RLF: variants seen among roughly 807,000 people sequenced by gnomAD.
RLF encodes zinc finger protein Rlf.
A neutral mutation model predicts 162.9 loss-of-function variants in RLF; 7 were observed. The observed-to-expected ratio is 0.04, with a 90% confidence interval of 0.02 to 0.08. RLF has a LOEUF of 0.08. RLF is among the 10% of genes least tolerant of loss of function. The pLI, the probability that RLF is intolerant of heterozygous loss-of-function variation, is 1.00. For synonymous variants in RLF, 782 were observed against 791.5 expected (o/e 0.99, Z 0.20); for missense variants, 1,664 against 2,244.7 (o/e 0.74, Z 5.23).
In RLF at chr1:40,239,931, C is replaced by T; in HGVS notation, c.5229C>T (p.Thr1743=). 6.2e-7 allele frequency: 1 copy of T among 1,613,574 alleles called. No homozygotes were observed. Among genetic ancestry groups the T allele is most frequent in the Non-Finnish European group, 8.5e-7 (1 of 1,180,006 alleles). Residue 1743 remains threonine (T), a synonymous_variant, in exon 8 of 8, where the codon ACC becomes ACT. Transcript: ENST00000372771. ...AAGAAAACACTGTAAAAAATCCAAC[C>T]CATGTCCCAAAAGAGAATTTTAGGA... ...SGQENTVKNP[T]HVPKENFRKH... is the part of the protein sequence containing the mutation.
At chr1:40,207,403 T>C (rs1376183173) in intron 5 of RLF, among the ~76,000 whole-genome samples, 3 of 152,222 alleles carry the variant, frequency 2.0e-5, no homozygotes, top group Non-Finnish European at 2.9e-5. Flanking sequence ...CTCAGCTTTA[T>C]TTTATTTTGA....
Position 40,237,753 on chromosome 1 carries a change from T to C in RLF, c.3051T>C (p.Asp1017=). Residue 1017 remains aspartate, a synonymous_variant, in exon 8 of 8, where the codon GAT becomes GAC. Transcript: ENST00000372771. This position sits in a 1 kb window ranked among gnomAD's most constrained non-coding sequence, Gnocchi z 4.4. ...KLDAEPKPCS[D]TNSDSPDEGL... ...ATGCAGAACCTAAACCCTGCTCAGA[T>C]ACAAACAGTGACTCCCCAGATGAAG... 1 of 1,614,074 alleles carries C rather than the reference T, an allele frequency of 6.2e-7. No individual in the cohort carries two copies. Among genetic ancestry groups the C allele is most frequent in the Non-Finnish European group, 8.5e-7 (1 of 1,179,998 alleles).
At chr1:40,212,330 G>T (rs1008436328) in intron 5 of RLF, among the ~76,000 whole-genome samples, 3 of 152,186 alleles carry the variant, frequency 2.0e-5, no homozygotes, top group Non-Finnish European at 2.9e-5. Flanking sequence ...TATCTGGTAG[G>T]TCTGGAAGGC....
In RLF at chr1:40,239,578, A is replaced by C. The variant is rs1224315907; in HGVS notation, c.4876A>C (p.Ser1626Arg). 17 of 1,614,064 alleles carry C rather than the reference A, an allele frequency of 1.1e-5. No individual in the cohort carries two copies. The highest frequency in any genetic ancestry group is 1.4e-5 in the Non-Finnish European group (17 of 1,180,048). ...CTGTGAATCAGAGCGCACAGAACAC[A>C]GCCATTCCCCGGGTGACAGTAGTGC... ...RSCESERTEH[S>R]HSPGDSSAPI... The change falls in exon 8 of 8, where the codon AGC (serine) becomes CGC (arginine). Residue 1626 changes from serine to arginine, a missense_variant. Physicochemically the swap from Ser to Arg is moderately radical, Grantham distance 110. Coordinates refer to ENST00000372771, the MANE Select transcript of RLF (RefSeq NM_012421.4).
At chr1:40,179,528 C>T (rs1483821554) in intron 1 of RLF, among the ~76,000 whole-genome samples, 4 of 149,640 alleles carry the variant, frequency 2.7e-5, no homozygotes, top group Non-Finnish European at 5.9e-5. Context: ...TCCAAAGTCT[C>T]TAGACTTAAA....
At position 40,237,011 on chromosome 1, in the gene RLF, G is replaced by A. The variant is rs1570567737; in HGVS notation, c.2309G>A (p.Arg770His). 2.5e-6 allele frequency: 4 copies of A among 1,614,106 alleles called. No homozygotes were observed. Among genetic ancestry groups the A allele is most frequent in the African/African-American group, 1.3e-5 (1 of 75,034 alleles). ...CATAAACAAAAGCATGACGATCTGC[G>A]TTACAAATGTGAATTAAATGGCTGT... ...LNHKQKHDDL[R>H]YKCELNGCNI... The change falls in exon 8 of 8, where the codon CGT becomes CAT. Residue 770 changes from arginine (R) to histidine (H), a missense_variant. This residue lies in a region of RLF where 69 missense variants were observed against 206.4 expected (regional missense o/e 0.33). Transcript: ENST00000372771. This position sits in a 1 kb window ranked among gnomAD's most constrained non-coding sequence, Gnocchi z 4.4.
rs1379192427 is a variant in RLF, at chr1:40,238,427, C to G, written c.3725C>G (p.Pro1242Arg). ...GGDPSSNSEK[P>R]HCHPKKDECS... Reference sequence around the variant, plus strand: ...GATCCCAGTAGTAACTCTGAGAAACCACACTGTCATCCTAAAAAGGATGAA... The same window carrying G: ...GATCCCAGTAGTAACTCTGAGAAACGACACTGTCATCCTAAAAAGGATGAA... The change falls in exon 8 of 8, where the codon CCA becomes CGA. Residue 1242 changes from proline (P) to arginine (R), a missense_variant. By Grantham distance (103) the Pro-to-Arg change is moderately radical. This residue lies in a region of RLF where 102 missense variants were observed against 109.5 expected (regional missense o/e 0.93). Transcript: ENST00000372771. This position sits in a 1 kb window ranked among gnomAD's most constrained non-coding sequence, Gnocchi z 5.2. 5 of 1,614,060 alleles carry G rather than the reference C, an allele frequency of 3.1e-6. No homozygotes were observed. The highest frequency in any genetic ancestry group is 2.2e-5 in the South Asian group (2 of 91,086).
At position 40,177,137 on chromosome 1, in the gene RLF, C is replaced by T. The variant is rs368583423; in HGVS notation, c.238-11918C>T. On this transcript the variant is annotated intron_variant, in intron 1 of 7. Coordinates refer to ENST00000372771, the MANE Select transcript of RLF (RefSeq NM_012421.4). The stretch of plus-strand genomic sequence containing the variant: ...TGAGTAGCTGGGAACAGGCGCCCAC[C>T]ACCACACCCGGCTAATTTCTGTATT... 8.5e-5 allele frequency among the ~76,000 whole-genome samples: 13 copies of T among 152,060 alleles called. 1 individual carries two copies. Among genetic ancestry groups the T allele is most frequent in the East Asian group, 3.9e-4 (2 of 5,176 alleles).
intron 6 of RLF, among the ~76,000 whole-genome samples, chr1:40,230,893 T>C (rs961080094): frequency 2.0e-5 from 3 of 152,226 alleles, no homozygotes; most frequent in Non-Finnish European, 4.4e-5. Context: ...CCATTAAATG[T>C]TTTTGTTTAA....
chr1:40,204,596 T>C (rs1642764270), intron 5 of RLF, among the ~76,000 whole-genome samples: 1 of 151,858 alleles, frequency 6.6e-6, no homozygotes, highest in South Asian at 2.1e-4. Flanking sequence ...TTATTTTTTA[T>C]TTTTTTGGAG....
At chr1:40,166,093 G>A (rs527841537) in intron 1 of RLF, among the ~76,000 whole-genome samples, 1 of 152,266 alleles carries the variant, frequency 6.6e-6, no homozygotes, top group East Asian at 1.9e-4. Flanking sequence ...TAAACGTGGT[G>A]CCTACATAAT....
chr1:40,239,510 C>T lies in RLF; in HGVS notation c.4808C>T (p.Pro1603Leu). ...KYGTKIKEEP[P>L]SEADPCIKKE... Reference sequence around the variant, plus strand: ...GGTACCAAAATTAAGGAGGAACCCCCTTCTGAAGCAGATCCCTGTATAAAG... The same window carrying T: ...GGTACCAAAATTAAGGAGGAACCCCTTTCTGAAGCAGATCCCTGTATAAAG... The change falls in exon 8 of 8, where the codon CCT (proline) becomes CTT (leucine). Residue 1603 changes from proline to leucine, a missense_variant. Pro to Leu is a moderately conservative substitution (Grantham distance 98). Around this residue, in one of 15 missense-constraint regions of RLF, gnomAD observed 327 missense variants for 342.7 expected, o/e 0.95. Coordinates refer to ENST00000372771, the MANE Select transcript of RLF (RefSeq NM_012421.4). 1 of 1,614,016 alleles carries T rather than the reference C, an allele frequency of 6.2e-7. No homozygotes were observed. The highest frequency in any genetic ancestry group is 8.5e-7 in the Non-Finnish European group (1 of 1,180,012).
In RLF at chr1:40,196,967, T is replaced by G. The variant is rs866972185; in HGVS notation, c.607+1203T>G. 2.6e-5 allele frequency among the ~76,000 whole-genome samples: 4 copies of G among 152,264 alleles called. No homozygotes were observed. The South Asian group carries it at 8.3e-4, about 31-fold the overall frequency. On this transcript the variant is annotated intron_variant, in intron 4 of 7. Transcript: ENST00000372771. ...GAAAGTTCAAAGGATTACACTCTGT[T>G]AAGTACATTTTTTGCTATAAAAACA...
At chr1:40,182,199 C>G (rs1169009714) in intron 1 of RLF, among the ~76,000 whole-genome samples, 2 of 151,992 alleles carry the variant, frequency 1.3e-5, no homozygotes, top group African/African-American at 4.8e-5. Flanking sequence ...TTTGGGAGCC[C>G]GAGGTGAGCA....
intron 1 of RLF, among the ~76,000 whole-genome samples, chr1:40,182,659 G>A (rs1642419784): frequency 6.6e-6 from 1 of 152,082 alleles, no homozygotes. Flanking sequence ...GGCAGAATCG[G>A]TATCTAAAAA....
chr1:40,220,650 G>A (rs1486129734), intron 5 of RLF, among the ~76,000 whole-genome samples: 3 of 152,172 alleles, frequency 2.0e-5, no homozygotes, highest in African/African-American at 7.2e-5. Context: ...TGCATCTCCA[G>A]TACTTAGCAC....
intron 1 of RLF, among the ~76,000 whole-genome samples, chr1:40,185,053 C>G (rs550909850): frequency 6.6e-6 from 1 of 152,036 alleles, no homozygotes; most frequent in Non-Finnish European, 1.5e-5. Flanking sequence ...GACTGGGCAG[C>G]AAAGAGACCC....
At chr1:40,165,405 CG>C (rs1245199990) in intron 1 of RLF, among the ~76,000 whole-genome samples, 1 of 152,186 alleles carries the variant, frequency 6.6e-6, no homozygotes, top group Non-Finnish European at 1.5e-5. Context: ...ATCCAATAAA[CG>C]TATTAACTAC....
intron 1 of RLF, among the ~76,000 whole-genome samples, chr1:40,183,230 A>G (rs1642429871): frequency 1.3e-5 from 2 of 152,318 alleles, no homozygotes; most frequent in South Asian, 2.1e-4. Flanking sequence ...ACTGAAATGT[A>G]TAATTCTGGG....
Sources: allele counts gnomAD v4.1 joint callset (sites outside exome capture counted in the v4.1 genomes callset), GRCh38; gene constraint gnomAD v4.1.1; regional missense constraint gnomAD v4.1.1; non-coding constraint Gnocchi (gnomAD v3.1); transcripts MANE v1.5; gene names NCBI Gene and HGNC (gene_info 2026-07-23, HGNC 2026-07-21).